The following DMD variants were observed in gnomAD, a reference collection of about 807,000 sequenced individuals.
The protein encoded by DMD is dystrophin.
A neutral mutation model predicts 330.1 loss-of-function variants in DMD; 63 were observed. That is an observed-to-expected ratio of 0.19 (90% CI 0.16 to 0.24). DMD has a LOEUF of 0.24. DMD is among the 10% of genes least tolerant of loss of function. DMD has a pLI of 1.00. For synonymous variants in DMD, 1,223 were observed against 959.8 expected, an observed-to-expected ratio of 1.27 and a Z score of -5.07; for missense variants, 3,344 against 2,684.1, an observed-to-expected ratio of 1.25 and a Z score of -5.43.
intron 10 of DMD, 129 bp from the exon 11 acceptor site, chrX:32,644,442 A>G: frequency 1.4e-6 from 1 of 734,007 alleles, no homozygotes; most frequent in South Asian, 2.6e-5. Flanking sequence ...AAGGAATTTA[A>G]TTTGTATTTG....
intron 59 of DMD, among the ~76,000 whole-genome samples, chrX:31,458,207 C>T (rs1356916895): frequency 1.8e-5 from 2 of 110,905 alleles, no homozygotes; most frequent in Non-Finnish European, 3.8e-5. Flanking sequence ...GCCCTCTGGA[C>T]ACATTATTAG....
At chrX:32,608,891 G>C (rs952161944) in intron 12 of DMD, among the ~76,000 whole-genome samples, 32 of 110,651 alleles carry the variant, frequency 2.9e-4, no homozygotes, top group Non-Finnish European at 5.7e-4. Flanking sequence ...AAACTTCATA[G>C]CAGAAACAAA....
chrX:32,356,696 GA>G (rs2097802211), intron 37 of DMD, among the ~76,000 whole-genome samples: 1 of 111,079 alleles, frequency 9.0e-6, no homozygotes, highest in Admixed American at 9.6e-5. Flanking sequence ...TTAGAACAGT[GA>G]AGTATATCTA....
intron 44 of DMD, among the ~76,000 whole-genome samples, chrX:32,104,962 C>T (rs964314964): frequency 1.8e-5 from 2 of 112,062 alleles, no homozygotes; most frequent in Admixed American, 1.9e-4. Context: ...CTCCCTGCTC[C>T]AGTAAAAAAC....
At chrX:32,307,363 G>C (rs59639963) in intron 42 of DMD, among the ~76,000 whole-genome samples, 14,676 of 111,012 alleles carry the variant, frequency 0.13, 2,384 homozygotes, top group African/African-American at 0.45. Context: ...TCCACCAAAA[G>C]TTATTTGTTA....
intron 1 of DMD, among the ~76,000 whole-genome samples, chrX:33,321,466 C>T (rs1404824254): frequency 9.0e-6 from 1 of 111,186 alleles, no homozygotes; most frequent in Non-Finnish European, 1.9e-5. Context: ...AAGGTCTCAA[C>T]CCCGGGCTTA....
chrX:33,231,705 A>C (rs111383879), intron 1 of DMD, among the ~76,000 whole-genome samples: 2,514 of 111,689 alleles, frequency 0.023, 36 homozygotes, highest in Non-Finnish European at 0.037. Flanking sequence ...CCATGCCTGA[A>C]GAGTCAAGTG....
At chrX:32,236,483 C>A (rs2097188345) in intron 43 of DMD, among the ~76,000 whole-genome samples, 1 of 111,822 alleles carries the variant, frequency 8.9e-6, no homozygotes, top group Non-Finnish European at 1.9e-5. Context: ...GGCAGTGTCC[C>A]CACCCAAATC....
chrX:32,585,672 C>G (rs1196702175), intron 13 of DMD, among the ~76,000 whole-genome samples: 3 of 81,989 alleles, frequency 3.7e-5, no homozygotes, highest in African/African-American at 1.4e-4. Flanking sequence ...TGCACTCCAG[C>G]CTGGGTGACA....
intron 44 of DMD, among the ~76,000 whole-genome samples, chrX:32,063,187 A>AACACACACACAC (rs113943502): frequency 0.039 from 3,962 of 100,667 alleles, 150 homozygotes; most frequent in East Asian, 0.11. Context: ...AAGTATGTCT[A>AACACACACACAC]ACACACACAC....
chrX:31,198,208 TA>T (rs1218708355), intron 67 of DMD, among the ~76,000 whole-genome samples: 1 of 110,710 alleles, frequency 9.0e-6, no homozygotes, highest in African/African-American at 3.3e-5. Flanking sequence ...GTAATCAATA[TA>T]TTTTTAAATC....
At chrX:32,889,939 G>GC (rs1329785322) in intron 2 of DMD, among the ~76,000 whole-genome samples, 2 of 111,369 alleles carry the variant, frequency 1.8e-5, no homozygotes, top group South Asian at 3.8e-4. Flanking sequence ...GAAAGGGGGG[G>GC]CATCTCAGTC....
At chrX:31,721,238 T>C (rs2085449021) in intron 52 of DMD, among the ~76,000 whole-genome samples, 1 of 111,431 alleles carries the variant, frequency 9.0e-6, no homozygotes, top group African/African-American at 3.3e-5. Context: ...TGATGGTAAA[T>C]TTTATGTGTT....
chrX:32,791,783 G>T (rs1388347753), intron 7 of DMD, among the ~76,000 whole-genome samples: 2 of 111,733 alleles, frequency 1.8e-5, no homozygotes, highest in Admixed American at 9.5e-5. Flanking sequence ...GTCCTAGAAG[G>T]TAAAGGAGAA....
intron 61 of DMD, among the ~76,000 whole-genome samples, chrX:31,331,999 C>G (rs1484888795): frequency 8.9e-6 from 1 of 112,062 alleles, no homozygotes; most frequent in Admixed American, 9.4e-5. Flanking sequence ...AATTTGGGGC[C>G]CATTTTTCAC....
intron 47 of DMD, among the ~76,000 whole-genome samples, chrX:31,899,799 G>A (rs1462417168): frequency 3.6e-5 from 4 of 111,012 alleles, no homozygotes; most frequent in Non-Finnish European, 7.6e-5. Context: ...AATTCCATAA[G>A]TTTGTAATGG....
At chrX:32,123,698 T>C (rs2096649024) in intron 44 of DMD, among the ~76,000 whole-genome samples, 1 of 112,046 alleles carries the variant, frequency 8.9e-6, no homozygotes, top group African/African-American at 3.2e-5. Context: ...CGCTTTCTTA[T>C]GATATAGTGA....
At chrX:31,768,708 AT>A (rs778323924) in intron 51 of DMD, among the ~76,000 whole-genome samples, 1 of 112,318 alleles carries the variant, frequency 8.9e-6, no homozygotes, top group African/African-American at 3.2e-5. Flanking sequence ...CAGAAAAAGC[AT>A]TTTTTAATCA....
chrX:31,400,450 T>C (rs750932207), intron 60 of DMD, among the ~76,000 whole-genome samples: 3 of 111,523 alleles, frequency 2.7e-5, no homozygotes, highest in Non-Finnish European at 5.6e-5. Context: ...CCAAACACCT[T>C]GGGCACATGT....
Sources: gnomAD v4.1 joint callset for allele counts (sites outside exome capture counted in the v4.1 genomes callset) on GRCh38, gnomAD v4.1.1 for gene constraint, MANE v1.5 for transcripts, NCBI Gene and HGNC (gene_info 2026-07-23, HGNC 2026-07-21) for gene names.